The following PCDH15 variants were observed in gnomAD, a reference collection of about 807,000 sequenced individuals.
The protein encoded by PCDH15 is protocadherin related 15, also known as protocadherin-15.
In PCDH15, 129 loss-of-function variants were observed where a neutral mutation model predicts 178.5. The observed-to-expected ratio is 0.72, with a 90% CI of 0.63 to 0.84. The LOEUF is 0.84. Among genes scored for constraint, PCDH15 ranks in the 40% least tolerant of loss-of-function variants. The pLI is 0.00. For missense variants in PCDH15, 2,230 were observed against 2,099.9 expected, an observed-to-expected ratio of 1.06 and a Z score of -1.21; for synonymous variants, 800 against 732.0, an observed-to-expected ratio of 1.09 and a Z score of -1.50.
chr10:55,396,551 G>A lies in PCDH15; in HGVS notation c.-155-229900C>T, dbSNP rs11004831. Among the ~76,000 whole-genome samples, 315 of 152,176 alleles carry A rather than the reference G, an allele frequency of 2.1e-3. 2 individuals are homozygous for A. The highest frequency in any genetic ancestry group is 6.6e-3 in the African/African-American group (276 of 41,544). ...CTAAAATTGAGGTCTAATCGAGACC[G>A]GTAGGATTGCCAATAGAAAAGCCAA... On this transcript the variant is annotated intron_variant, in intron 2 of 5. Coordinates refer to the PCDH15 transcript ENST00000613346.
At chr10:55,216,376 G>C (rs1840702579) in intron 1 of PCDH15, among the ~76,000 whole-genome samples, 1 of 151,672 alleles carries the variant, frequency 6.6e-6, no homozygotes, top group African/African-American at 2.4e-5. Context: ...CTCTTTGTTA[G>C]AAGTCAATTT....
chr10:55,180,099 G>C (rs1839600085), intron 1 of PCDH15, among the ~76,000 whole-genome samples: 2 of 152,128 alleles, frequency 1.3e-5, no homozygotes, highest in East Asian at 3.9e-4. Context: ...ATTCAGGGAA[G>C]GAACTGGTCA....
At chr10:54,634,386 A>C (rs1199186473) in intron 2 of PCDH15, among the ~76,000 whole-genome samples, 1 of 152,112 alleles carries the variant, frequency 6.6e-6, no homozygotes, top group African/African-American at 2.4e-5. Flanking sequence ...TCCTTTCTTG[A>C]AGTCAGCAGC....
intron 18 of PCDH15, among the ~76,000 whole-genome samples, chr10:54,057,295 G>T (rs1220667211): frequency 6.6e-6 from 1 of 152,250 alleles, no homozygotes; most frequent in African/African-American, 2.4e-5. Flanking sequence ...CCTGGCAGAG[G>T]TTCTCCATGA....
chr10:55,050,313 T>C (rs1030157091), intron 2 of PCDH15, among the ~76,000 whole-genome samples: 3 of 152,140 alleles, frequency 2.0e-5, no homozygotes, highest in African/African-American at 7.2e-5. Flanking sequence ...ATGACACTAA[T>C]AATTGTATCT....
chr10:55,255,996 T>C (rs1841987126), intron 1 of PCDH15, among the ~76,000 whole-genome samples: 1 of 152,164 alleles, frequency 6.6e-6, no homozygotes, highest in African/African-American at 2.4e-5. Context: ...GCCATTGCTT[T>C]TGGTGTTTTA....
Position 55,186,743 on chromosome 10 carries a change from CTG to C in PCDH15, c.-155-20094_-155-20093del, listed in dbSNP as rs71014463. Among the ~76,000 whole-genome samples the C allele has an allele frequency of 6.4e-3, 963 of 150,312 alleles. 14 individuals carry two copies. The highest frequency in any genetic ancestry group is 0.022 in the African/African-American group (922 of 41,056). Reference sequence around the variant, plus strand: ...TTAACAGTTTACCACATACTCTCCTCTGTGTGTGTGTGTGTGTATTTTTTTTT... The same window carrying C: ...TTAACAGTTTACCACATACTCTCCTCTGTGTGTGTGTGTGTATTTTTTTTT... On this transcript the variant is annotated intron_variant, in intron 1 of 5. Transcript: ENST00000458638.
intron 2 of PCDH15, among the ~76,000 whole-genome samples, chr10:55,362,610 C>T (rs1468303325): frequency 1.3e-5 from 2 of 151,958 alleles, no homozygotes; most frequent in East Asian, 1.9e-4. Flanking sequence ...TAATTTTTGG[C>T]CTTAATCAGA....
chr10:55,054,563 A>T (rs936202398), intron 2 of PCDH15, among the ~76,000 whole-genome samples: 9 of 152,200 alleles, frequency 5.9e-5, no homozygotes, highest in Non-Finnish European at 1.3e-4. Context: ...TTACTGGGTC[A>T]AATAGCTTTT....
At chr10:55,208,895 A>T (rs1274378878) in intron 1 of PCDH15, among the ~76,000 whole-genome samples, 2 of 152,094 alleles carry the variant, frequency 1.3e-5, no homozygotes, top group Non-Finnish European at 2.9e-5. Flanking sequence ...CCCTTATATC[A>T]AGGAGATACA....
At chr10:55,609,013 T>TACACACAC (rs1173892476) in intron 2 of PCDH15, among the ~76,000 whole-genome samples, 2 of 146,604 alleles carry the variant, frequency 1.4e-5, no homozygotes, top group African/African-American at 2.5e-5. Flanking sequence ...GTTATATATA[T>TACACACAC]ATACACACAC....
intron 35 of PCDH15, 145 bp downstream of exon 35, chr10:53,816,094 G>T (rs2076050672): frequency 5.1e-6 from 2 of 389,144 alleles, no homozygotes; most frequent in East Asian, 7.4e-5. Context: ...TCTTTTTTTT[G>T]AAGTTATTTT....
chr10:55,473,401 A>C (rs1040896043), intron 2 of PCDH15, among the ~76,000 whole-genome samples: 1 of 152,188 alleles, frequency 6.6e-6, no homozygotes, highest in Non-Finnish European at 1.5e-5. Flanking sequence ...AAGCCAGTGC[A>C]ATCTCAGCAA....
intron 2 of PCDH15, among the ~76,000 whole-genome samples, chr10:54,934,721 A>G (rs1398194050): frequency 2.0e-5 from 3 of 151,520 alleles, no homozygotes; most frequent in African/African-American, 7.3e-5. Context: ...CAGCCATCCC[A>G]TTACTGGGTA....
At chr10:54,217,749 C>T (rs1238400379) in intron 9 of PCDH15, among the ~76,000 whole-genome samples, 1 of 152,050 alleles carries the variant, frequency 6.6e-6, no homozygotes, top group African/African-American at 2.4e-5. Context: ...TTTTGAAATA[C>T]TATTTACCAA....
intron 18 of PCDH15, among the ~76,000 whole-genome samples, chr10:54,059,189 T>C (rs972248133): frequency 1.3e-5 from 2 of 152,184 alleles, no homozygotes; most frequent in Non-Finnish European, 2.9e-5. Context: ...TTACTTAACA[T>C]AATAACCTCC....
intron 2 of PCDH15, among the ~76,000 whole-genome samples, chr10:54,926,613 TA>T (rs771461378): frequency 5.3e-5 from 8 of 152,042 alleles, no homozygotes; most frequent in Non-Finnish European, 1.2e-4. Context: ...AGGCTATTTA[TA>T]ACTGATTCAA....
chr10:54,272,923 C>T lies in PCDH15; in HGVS notation c.877-35992G>A, dbSNP rs188351683. 5.4e-3 allele frequency among the ~76,000 whole-genome samples: 825 copies of T among 152,084 alleles called. 4 individuals are homozygous for T. Among genetic ancestry groups the T allele is most frequent in the Non-Finnish European group, 6.9e-3 (469 of 67,958 alleles). On this transcript the variant is annotated intron_variant, in intron 8 of 37. Transcript: ENST00000644397. ...AATATTTTCTAAAAAATGAACAAAT[C>T]GTAACACCTAAGGGATGATATCTTT...
intron 2 of PCDH15, among the ~76,000 whole-genome samples, chr10:55,081,789 A>G (rs555956970): frequency 6.6e-6 from 1 of 152,294 alleles, no homozygotes; most frequent in Admixed American, 6.5e-5. Flanking sequence ...AAGCTACTTA[A>G]TTTATGGTAT....
Sources: gnomAD v4.1 joint callset for allele counts (sites outside exome capture counted in the v4.1 genomes callset) on GRCh38, gnomAD v4.1.1 for gene constraint, MANE v1.5 for transcripts, NCBI Gene and HGNC (gene_info 2026-07-23, HGNC 2026-07-21) for gene names.